Variants in SCOC observed in about 807,000 individuals in gnomAD.
The protein encoded by SCOC is short coiled coil protein.
Under a neutral mutation model 9.9 loss-of-function variants are expected in SCOC, and 7 were observed. The ratio of observed to expected loss-of-function variants is 0.71; its 90% confidence interval spans 0.40 to 1.33. SCOC has a LOEUF of 1.33. Ranked by LOEUF, SCOC falls within the 40% of genes most tolerant of loss-of-function variation. The probability of loss-of-function intolerance (pLI) is 0.01; values close to 1 mark genes in which losing one functional copy is unlikely to be tolerated. For missense variants in SCOC, 66 were observed against 89.7 expected, an observed-to-expected ratio of 0.74 and a Z score of 1.07; for synonymous variants, 19 against 28.2, an observed-to-expected ratio of 0.67 and a Z score of 1.03.
At chr4:140,359,164 A>G (rs115572988) in intron 2 of SCOC, among the ~76,000 whole-genome samples, 1,997 of 152,224 alleles carry the variant, frequency 0.013, 44 homozygotes, top group African/African-American at 0.046. Flanking sequence ...GGCTTAGCTG[A>G]GCAGTTCTCC....
intron 1 of SCOC, among the ~76,000 whole-genome samples, chr4:140,280,897 G>A (rs1578765597): frequency 6.6e-6 from 1 of 152,124 alleles, no homozygotes; most frequent in Admixed American, 6.5e-5. Flanking sequence ...CAATACATTT[G>A]CGGAAATTCA....
At chr4:140,305,628 T>A (rs1335848138) in intron 1 of SCOC, among the ~76,000 whole-genome samples, 1 of 152,126 alleles carries the variant, frequency 6.6e-6, no homozygotes, top group Admixed American at 6.5e-5. Flanking sequence ...GATTTTAGGC[T>A]TTAAGTTGGT....
chr4:140,273,645 GAA>G lies in SCOC; in HGVS notation c.-19+16246_-19+16247del, dbSNP rs11292502. Among the ~76,000 whole-genome samples the G allele has an allele frequency of 5.6e-3, 815 of 144,774 alleles. 7 individuals are homozygous for G. The highest frequency in any genetic ancestry group is 0.019 in the African/African-American group (777 of 40,476). 95.0% of individuals were successfully genotyped at this position (144,774 alleles called of 152,430 possible). On this transcript the variant is annotated intron_variant, in intron 1 of 4. Coordinates refer to the SCOC transcript ENST00000394205. ...GTGCCGAGCTCTGATTTGCTCTGGT[GAA>G]AAAAAAAAAATCCCCTAATTTCACT...
intron 1 of SCOC, among the ~76,000 whole-genome samples, chr4:140,319,053 A>G (rs1027430136): frequency 1.3e-5 from 2 of 152,060 alleles, no homozygotes; most frequent in African/African-American, 4.8e-5. Context: ...TAAACGCTCT[A>G]AGTTCTACTG....
intron 2 of SCOC, among the ~76,000 whole-genome samples, chr4:140,368,337 T>C (rs1195171642): frequency 6.6e-6 from 1 of 152,208 alleles, no homozygotes; most frequent in African/African-American, 2.4e-5. Context: ...AAGCAACATG[T>C]TAACATCTGT....
chr4:140,380,194 C>CTTTTTTTTTTTTTT (rs993271002), intron 3 of SCOC, among the ~76,000 whole-genome samples: 17 of 108,420 alleles, frequency 1.6e-4, no homozygotes, highest in East Asian at 2.6e-4. Context: ...TTTTCTTTTT[C>CTTTTTTTTTTTTTT]TTTTTTTTTT....
In SCOC at chr4:140,357,879, C is replaced by G. The variant is rs377609581; in HGVS notation, c.70+14171C>G. On this transcript the variant is annotated intron_variant, in intron 2 of 4. Coordinates refer to the SCOC transcript ENST00000338517. ...ATACCCCACATCTTCTCTTTCTCCCCTTTTCCTCATTCCCTCAACAAATGT... is the reference window on the plus strand; with the variant it reads ...ATACCCCACATCTTCTCTTTCTCCCGTTTTCCTCATTCCCTCAACAAATGT... Among the ~76,000 whole-genome samples the G allele has an allele frequency of 5.2e-3, 789 of 152,268 alleles. 7 individuals are homozygous for G. The highest frequency in any genetic ancestry group is 0.018 in the African/African-American group (747 of 41,550).
At chr4:140,361,783 GTGAC>G (rs1727481038) in intron 2 of SCOC, among the ~76,000 whole-genome samples, 1 of 152,178 alleles carries the variant, frequency 6.6e-6, no homozygotes, top group African/African-American at 2.4e-5. Flanking sequence ...ACTTCTGTGA[GTGAC>G]AAGAATGGAT....
At chr4:140,329,061 C>A (rs1732734305) in intron 1 of SCOC, among the ~76,000 whole-genome samples, 1 of 152,116 alleles carries the variant, frequency 6.6e-6, no homozygotes, top group Non-Finnish European at 1.5e-5. Flanking sequence ...ACTATAAGGC[C>A]ACAGTCACCA....
chr4:140,365,438 T>C lies in SCOC; in HGVS notation c.71-13683T>C, dbSNP rs773116557. Among the ~76,000 whole-genome samples the C allele has an allele frequency of 2.6e-5, 4 of 152,218 alleles. No individual in the cohort carries two copies. The East Asian group carries it at 7.7e-4, about 29-fold the overall frequency. On this transcript the variant is annotated intron_variant, in intron 2 of 4. Transcript: ENST00000338517. ...AAAAAGAATGGCATGGCTTCTATGATACAGGCACTGAAACTTCTTTGATAA... is the reference window on the plus strand; with the variant it reads ...AAAAAGAATGGCATGGCTTCTATGACACAGGCACTGAAACTTCTTTGATAA...
At position 140,283,668 on chromosome 4, in the gene SCOC, C is replaced by T. The variant is rs547246716; in HGVS notation, c.-19+26258C>T. The T allele has an allele frequency of 4.6e-5, 7 of 152,240 alleles. No individual in the cohort carries two copies. In the East Asian group the frequency reaches 7.7e-4, roughly 17 times the overall value. 9.4% of individuals were successfully genotyped at this position (152,240 alleles called of 1,614,324 possible). A position where few individuals can be genotyped will look rare whatever the true frequency, so the allele number is the denominator to read the frequency against. On this transcript the variant is annotated intron_variant, in intron 1 of 4. Coordinates refer to the SCOC transcript ENST00000394205. ...CATGATTTATATTTTGTCCAATTAG[C>T]CCGTATATGACCTTCATGTGAAAGG...
At chr4:140,314,488 T>G (rs1732252068) in intron 1 of SCOC, 2 of 152,580 alleles carry the variant, frequency 1.3e-5, no homozygotes, top group Non-Finnish European at 1.5e-5. Flanking sequence ...TATGTCGTAT[T>G]CAGCTGGGTT....
chr4:140,296,220 C>A (rs181590494), intron 1 of SCOC, among the ~76,000 whole-genome samples: 2 of 152,154 alleles, frequency 1.3e-5, no homozygotes, highest in African/African-American at 4.8e-5. Flanking sequence ...CCCCCACTGG[C>A]ATTAATATTC....
At chr4:140,280,418 T>C (rs983307654) in intron 1 of SCOC, among the ~76,000 whole-genome samples, 5 of 152,182 alleles carry the variant, frequency 3.3e-5, no homozygotes, top group Non-Finnish European at 5.9e-5. Context: ...TGGGAGCCAC[T>C]GCGCCTGGCC....
intron 1 of SCOC, chr4:140,293,479 G>A (rs1214784603): frequency 1.6e-5 from 7 of 438,882 alleles, no homozygotes; most frequent in Middle Eastern, 3.4e-4. Context: ...TGGAAATGCC[G>A]GTCTGACACC....
chr4:140,307,911 T>C (rs1732038887), intron 1 of SCOC, among the ~76,000 whole-genome samples: 1 of 152,240 alleles, frequency 6.6e-6, no homozygotes, highest in African/African-American at 2.4e-5. Flanking sequence ...TGTTGATGTA[T>C]ATTGCATTGA....
chr4:140,317,150 G>C (rs1423034461), intron 1 of SCOC, among the ~76,000 whole-genome samples: 1 of 152,116 alleles, frequency 6.6e-6, no homozygotes, highest in Non-Finnish European at 1.5e-5. Context: ...GGACTCTCTT[G>C]TAAGATGGCT....
intron 1 of SCOC, among the ~76,000 whole-genome samples, chr4:140,327,399 T>C (rs1400864114): frequency 6.6e-6 from 1 of 151,504 alleles, no homozygotes; most frequent in Non-Finnish European, 1.5e-5. Context: ...TGGAGCTCTC[T>C]AAGGTTACAA....
At chr4:140,372,970 AC>A (rs1467612558), upstream of SCOC, among the ~76,000 whole-genome samples, 1 of 152,216 alleles carries the variant, frequency 6.6e-6, no homozygotes, top group African/African-American at 2.4e-5. Flanking sequence ...GTGAGGCTCC[AC>A]AGGGGTAAGG....
Sources: gnomAD v4.1 joint callset for allele counts (sites outside exome capture counted in the v4.1 genomes callset) on GRCh38, gnomAD v4.1.1 for gene constraint, MANE v1.5 for transcripts, NCBI Gene and HGNC (gene_info 2026-07-23, HGNC 2026-07-21) for gene names.